CSMD1: variants seen among roughly 807,000 people sequenced by gnomAD.
CSMD1 encodes the protein CUB and Sushi multiple domains 1, also known as CUB and sushi domain-containing protein 1.
A neutral mutation model predicts 417.5 loss-of-function variants in CSMD1; 213 were observed. That is an observed-to-expected ratio of 0.51 (90% CI 0.46 to 0.57). The LOEUF (loss-of-function observed/expected upper bound fraction) is 0.57, where lower values mean the gene tolerates loss of function less well. Ranked by LOEUF, CSMD1 falls within the 20% of genes least tolerant of loss-of-function variation. The pLI is 0.00. For missense variants in CSMD1, 6,923 were observed against 4,529.7 expected, an observed-to-expected ratio of 1.53 and a Z score of -15.17; for synonymous variants, 2,862 against 1,736.8, an observed-to-expected ratio of 1.65 and a Z score of -16.11.
chr8:4,441,542 CAT>C (rs1337277567), intron 2 of CSMD1, among the ~76,000 whole-genome samples: 2 of 152,036 alleles, frequency 1.3e-5, no homozygotes, highest in Non-Finnish European at 2.9e-5. Flanking sequence ...ATGTGCAAAA[CAT>C]AGAAGCACAT....
intron 26 of CSMD1, among the ~76,000 whole-genome samples, chr8:3,283,941 C>T (rs1320676315): frequency 1.3e-5 from 2 of 152,366 alleles, no homozygotes; most frequent in East Asian, 1.9e-4. Context: ...CTTAAGCTGG[C>T]TTCTGTTATC....
chr8:3,362,087 C>A (rs1809225395), intron 20 of CSMD1, among the ~76,000 whole-genome samples: 1 of 152,094 alleles, frequency 6.6e-6, no homozygotes. Context: ...TTCATCAATT[C>A]TCTTATTTCC....
chr8:3,989,405 G>T (rs1284607085), intron 5 of CSMD1, among the ~76,000 whole-genome samples: 1 of 152,184 alleles, frequency 6.6e-6, no homozygotes, highest in Non-Finnish European at 1.5e-5. Flanking sequence ...AGAGGACATT[G>T]CCCAACACTC....
intron 8 of CSMD1, among the ~76,000 whole-genome samples, chr8:3,609,641 C>A (rs1037859440): frequency 6.6e-6 from 1 of 151,808 alleles, no homozygotes; most frequent in Admixed American, 6.6e-5. Context: ...TACATATTTA[C>A]AAGGGCTACA....
intron 10 of CSMD1, among the ~76,000 whole-genome samples, chr8:3,509,256 G>A (rs559443586): frequency 6.6e-6 from 1 of 152,174 alleles, no homozygotes. Context: ...AGAGATGAAA[G>A]GAGATTAAAG....
chr8:3,359,668 C>T (rs1809028088), intron 20 of CSMD1, among the ~76,000 whole-genome samples: 1 of 151,654 alleles, frequency 6.6e-6, no homozygotes, highest in Admixed American at 6.6e-5. Context: ...GGAATATGTT[C>T]TAATACTTGA....
intron 49 of CSMD1, among the ~76,000 whole-genome samples, chr8:3,057,511 CAT>C (rs1481474332): frequency 1.3e-5 from 2 of 151,978 alleles, no homozygotes; most frequent in African/African-American, 2.4e-5. Context: ...TCTGAGAAAA[CAT>C]ATATAAGTAC....
chr8:3,550,820 G>A (rs1212560383), intron 10 of CSMD1, among the ~76,000 whole-genome samples: 1 of 152,172 alleles, frequency 6.6e-6, no homozygotes, highest in African/African-American at 2.4e-5. Flanking sequence ...ATACTTGTTG[G>A]ATGGAAGAGT....
chr8:4,555,585 A>C (rs1478676137), intron 2 of CSMD1, among the ~76,000 whole-genome samples: 1 of 152,124 alleles, frequency 6.6e-6, no homozygotes, highest in Non-Finnish European at 1.5e-5. Context: ...TTGATACCTC[A>C]CTTTGGGTTT....
At chr8:3,489,645 G>C (rs1054374605) in intron 11 of CSMD1, among the ~76,000 whole-genome samples, 4 of 152,150 alleles carry the variant, frequency 2.6e-5, no homozygotes, top group African/African-American at 9.7e-5. Flanking sequence ...CTCAGGGAAG[G>C]TGGATTACAG....
intron 2 of CSMD1, among the ~76,000 whole-genome samples, chr8:4,548,272 G>A (rs1048948274): frequency 6.6e-5 from 10 of 152,010 alleles, no homozygotes; most frequent in East Asian, 1.9e-4. Context: ...GAAAACTATC[G>A]AAAAAAGTTC....
chr8:4,293,364 C>T (rs1481296480), intron 3 of CSMD1, among the ~76,000 whole-genome samples: 1 of 152,154 alleles, frequency 6.6e-6, no homozygotes, highest in Non-Finnish European at 1.5e-5. Context: ...CTAGTAAGTC[C>T]AATCTAAATT....
At chr8:3,098,353 T>C (rs1282861617) in intron 46 of CSMD1, among the ~76,000 whole-genome samples, 1 of 152,216 alleles carries the variant, frequency 6.6e-6, no homozygotes, top group Non-Finnish European at 1.5e-5. Flanking sequence ...TTATGATATG[T>C]GTTTTTATTC....
At chr8:3,474,208 A>G (rs1214328288) in intron 11 of CSMD1, among the ~76,000 whole-genome samples, 1 of 152,178 alleles carries the variant, frequency 6.6e-6, no homozygotes, top group East Asian at 1.9e-4. Flanking sequence ...GTTTATTGGC[A>G]TTAGCTAATG....
At chr8:3,070,263 A>C (rs748410483) in intron 49 of CSMD1, among the ~76,000 whole-genome samples, 2 of 152,180 alleles carry the variant, frequency 1.3e-5, no homozygotes, top group Non-Finnish European at 2.9e-5. Flanking sequence ...AATTTCTCTA[A>C]CAAGTAGCTG....
At chr8:4,050,524 G>A (rs867159679) in intron 3 of CSMD1, among the ~76,000 whole-genome samples, 33 of 151,670 alleles carry the variant, frequency 2.2e-4, no homozygotes, top group African/African-American at 6.8e-4. Context: ...ATCCTGGAGG[G>A]GTAAATCTTT....
chr8:4,722,469 G>T (rs988171323), intron 1 of CSMD1, among the ~76,000 whole-genome samples: 4 of 152,116 alleles, frequency 2.6e-5, no homozygotes, highest in African/African-American at 9.7e-5. Context: ...ACTGCAGTCT[G>T]AAGTCACTAT....
intron 54 of CSMD1, among the ~76,000 whole-genome samples, chr8:2,995,102 G>C (rs1806764971): frequency 6.6e-6 from 1 of 152,188 alleles, no homozygotes; most frequent in South Asian, 2.1e-4. Flanking sequence ...GAGGATGAAA[G>C]TCAAACGAGA....
At chr8:3,064,889 CT>C (rs33934672) in intron 49 of CSMD1, among the ~76,000 whole-genome samples, 16,759 of 151,366 alleles carry the variant, frequency 0.11, 906 homozygotes, top group Middle Eastern at 0.16. Flanking sequence ...GACCAAAAAT[CT>C]TTTTTTTTCC....
Sources: allele counts gnomAD v4.1 joint callset (sites outside exome capture counted in the v4.1 genomes callset), GRCh38; gene constraint gnomAD v4.1.1; transcripts MANE v1.5; gene names NCBI Gene and HGNC (gene_info 2026-07-23, HGNC 2026-07-21).